PITPNM3: variants seen among roughly 807,000 people sequenced by gnomAD.
The protein encoded by PITPNM3 is membrane-associated phosphatidylinositol transfer protein 3.
PITPNM3 carries 26 observed loss-of-function variants against 102.0 expected under a neutral mutation model. That is an observed-to-expected ratio of 0.25 (90% confidence interval 0.19 to 0.35). PITPNM3 has a LOEUF of 0.35. Among genes scored for constraint, PITPNM3 ranks in the 10% least tolerant of loss-of-function variants. PITPNM3 has a pLI of 1.00. For missense variants in PITPNM3, 1,083 were observed against 1,346.1 expected (o/e 0.80, Z 3.06); for synonymous variants, 578 against 558.6 (o/e 1.03, Z -0.49).
At chr17:6,526,538 T>G (rs1908845388) in intron 2 of PITPNM3, among the ~76,000 whole-genome samples, 1 of 152,216 alleles carries the variant, frequency 6.6e-6, no homozygotes, top group Admixed American at 6.5e-5. Flanking sequence ...ATATGGTGCA[T>G]CTGAAGCTTT....
intron 4 of PITPNM3, among the ~76,000 whole-genome samples, chr17:6,486,335 G>C (rs1906091622): frequency 6.6e-6 from 1 of 152,106 alleles, no homozygotes; most frequent in Non-Finnish European, 1.5e-5. Flanking sequence ...ACCCCCACCA[G>C]AGCCTGCTGC....
chr17:6,520,187 T>C (rs1908428030), intron 3 of PITPNM3, among the ~76,000 whole-genome samples: 1 of 152,204 alleles, frequency 6.6e-6, no homozygotes, highest in Non-Finnish European at 1.5e-5. Context: ...TTACATAAAA[T>C]GTTGAAGTTT....
chr17:6,515,265 G>A (rs1421573273), intron 3 of PITPNM3, among the ~76,000 whole-genome samples: 1 of 151,894 alleles, frequency 6.6e-6, no homozygotes, highest in Non-Finnish European at 1.5e-5. Context: ...AGACCTGGTG[G>A]CGGGCACCTG....
chr17:6,464,413 T>C (rs975842099), intron 15 of PITPNM3, 95 bp from the exon 16 acceptor site: 28 of 1,338,236 alleles, frequency 2.1e-5, no homozygotes, highest in Non-Finnish European at 2.9e-5. Flanking sequence ...CTGAGGTCCC[T>C]GCCTGACATT....
chr17:6,476,567 G>C (rs1157119596), intron 9 of PITPNM3, among the ~76,000 whole-genome samples: 2 of 152,184 alleles, frequency 1.3e-5, no homozygotes, highest in Non-Finnish European at 2.9e-5. Context: ...GATGATCCCA[G>C]CTCTTCCGTC....
At chr17:6,544,090 C>T (rs991949266) in intron 1 of PITPNM3, among the ~76,000 whole-genome samples, 1 of 152,222 alleles carries the variant, frequency 6.6e-6, no homozygotes, top group Non-Finnish European at 1.5e-5. Context: ...CTGAGCGAGG[C>T]CCTGGTGGGT....
chr17:6,509,881 G>C (rs1907770274), intron 3 of PITPNM3, among the ~76,000 whole-genome samples: 1 of 152,124 alleles, frequency 6.6e-6, no homozygotes, highest in Non-Finnish European at 1.5e-5. Context: ...CTCCCAAGAA[G>C]GCCCCTAACT....
intron 3 of PITPNM3, among the ~76,000 whole-genome samples, chr17:6,520,173 A>T (rs781249295): frequency 3.3e-5 from 5 of 152,248 alleles, no homozygotes; most frequent in Non-Finnish European, 5.9e-5. Flanking sequence ...TTTTTACCCG[A>T]CCATTACATA....
intron 1 of PITPNM3, among the ~76,000 whole-genome samples, chr17:6,543,448 T>A (rs1280002375): frequency 6.6e-6 from 1 of 152,118 alleles, no homozygotes; most frequent in Non-Finnish European, 1.5e-5. Flanking sequence ...AGGGGCAGAG[T>A]CCTCAGGCGA....
intron 1 of PITPNM3, among the ~76,000 whole-genome samples, chr17:6,538,509 C>T (rs1299374246): frequency 6.6e-6 from 1 of 152,180 alleles, no homozygotes; most frequent in Non-Finnish European, 1.5e-5. Context: ...AGTGCCACCA[C>T]CTTACGATGT....
In PITPNM3 at chr17:6,452,820, G is replaced by A. The variant is rs1408347130; in HGVS notation, c.*2518C>T. The A allele has an allele frequency of 6.6e-6, 1 of 152,198 alleles. No individual in the cohort carries two copies. The highest frequency in any genetic ancestry group is 2.4e-5 in the African/African-American group (1 of 41,404). 9.4% of individuals were successfully genotyped at this position (152,198 alleles called of 1,614,324 possible). On this transcript the variant is annotated 3_prime_UTR_variant, in exon 20 of 20. Transcript: ENST00000262483. ...CCTACCTGATTGCTGCTTGGAACCAGAGCTGTTTCCAAAAGGAAGGGGTGG... is the reference window on the plus strand; with the variant it reads ...CCTACCTGATTGCTGCTTGGAACCAAAGCTGTTTCCAAAAGGAAGGGGTGG...
intron 1 of PITPNM3, among the ~76,000 whole-genome samples, chr17:6,541,296 T>TGTGTGTGTGTGTGTGC (rs1358927380): frequency 6.6e-6 from 1 of 151,336 alleles, no homozygotes; most frequent in Non-Finnish European, 1.5e-5. Context: ...AGTGTGTGTG[T>TGTGTGTGTGTGTGTGC]GTGTGTGTGT....
chr17:6,474,514 G>A lies in PITPNM3; in HGVS notation c.1176C>T (p.Phe392=), dbSNP rs776817419. Residue 392 remains phenylalanine, a synonymous_variant, in exon 10 of 20, where the codon TTC becomes TTT. Transcript: ENST00000262483. The stretch of plus-strand genomic sequence containing the variant: ...CGAAGAGGAAGAAGTCGGACACATC[G>A]AAGTCAAAGCGGCCCAGGCTGACCT... ...LPEVSLGRFD[F]DVSDFFLFGS... 1.7e-5 allele frequency: 27 copies of A among 1,612,938 alleles called. 1 individual carries two copies. The highest frequency in any genetic ancestry group is 1.6e-4 in the Middle Eastern group (1 of 6,084).
Position 6,458,512 on chromosome 17 carries a change from G to A in PITPNM3, c.2491-790C>T, listed in dbSNP as rs553780705. Reference sequence around the variant, plus strand: ...ACCTCCCACCCGGCCTGGCAGCTTCGCACCTTCTTTCACGTCAGTGGCCGT... The same window carrying A: ...ACCTCCCACCCGGCCTGGCAGCTTCACACCTTCTTTCACGTCAGTGGCCGT... On this transcript the variant is annotated intron_variant, in intron 18 of 19. Transcript: ENST00000262483. This position sits in a 1 kb window ranked among gnomAD's most constrained non-coding sequence, Gnocchi z 5.1. 5.9e-5 allele frequency among the ~76,000 whole-genome samples: 9 copies of A among 152,196 alleles called. No individual in the cohort carries two copies. The highest frequency in any genetic ancestry group is 2.1e-4 in the South Asian group (1 of 4,818).
intron 1 of PITPNM3, among the ~76,000 whole-genome samples, chr17:6,538,791 C>T (rs1261203205): frequency 6.6e-6 from 1 of 152,186 alleles, no homozygotes; most frequent in African/African-American, 2.4e-5. Context: ...TGGAGGAGCC[C>T]ACCTGGCCCA....
intron 1 of PITPNM3, among the ~76,000 whole-genome samples, chr17:6,542,470 G>A (rs1169990703): frequency 6.6e-6 from 1 of 152,152 alleles, no homozygotes; most frequent in Non-Finnish European, 1.5e-5. Context: ...CACACACAAA[G>A]TAAATCAGCT....
chr17:6,546,174 G>A (rs1435858121), intron 1 of PITPNM3, among the ~76,000 whole-genome samples: 1 of 152,222 alleles, frequency 6.6e-6, no homozygotes, highest in East Asian at 1.9e-4. Context: ...ACTGGTTGGG[G>A]GTTGGTTGCT....
intron 14 of PITPNM3, among the ~76,000 whole-genome samples, chr17:6,465,956 T>G (rs1904745344): frequency 6.6e-6 from 1 of 152,192 alleles, no homozygotes; most frequent in African/African-American, 2.4e-5. Context: ...CAACAGATCC[T>G]CTGTCTCTAT....
At chr17:6,536,059 A>AT (rs923360289) in intron 2 of PITPNM3, among the ~76,000 whole-genome samples, 2 of 150,688 alleles carry the variant, frequency 1.3e-5, no homozygotes, top group African/African-American at 4.9e-5. Flanking sequence ...GCGAGACTCC[A>AT]TCTCAAAAAA....
Sources: gnomAD v4.1 joint callset for allele counts (sites outside exome capture counted in the v4.1 genomes callset) on GRCh38, gnomAD v4.1.1 for gene constraint, Gnocchi (gnomAD v3.1) non-coding constraint, MANE v1.5 for transcripts, NCBI Gene and HGNC (gene_info 2026-07-23, HGNC 2026-07-21) for gene names.